Variants in ZNF385B observed in about 807,000 individuals in gnomAD.
ZNF385B encodes zinc finger protein 385B, also known as zinc finger protein 533.
ZNF385B carries 23 observed loss-of-function variants against 39.2 expected under a neutral mutation model. That is an observed-to-expected ratio of 0.59 (90% CI 0.42 to 0.83). The LOEUF (loss-of-function observed/expected upper bound fraction) is 0.83, where lower values mean the gene tolerates loss of function less well. Among genes scored for constraint, ZNF385B ranks in the 40% least tolerant of loss-of-function variants. The pLI is 0.00. For missense variants in ZNF385B, 552 were observed against 598.9 expected, an observed-to-expected ratio of 0.92 and a Z score of 0.82; for synonymous variants, 205 against 222.6, an observed-to-expected ratio of 0.92 and a Z score of 0.70.
Position 179,696,326 on chromosome 2 carries a change from CTTTTTTTTT to C in ZNF385B, c.298+73168_298+73176del, listed in dbSNP as rs71029828. Among the ~76,000 whole-genome samples, 12 of 40,358 alleles carry C rather than the reference CTTTTTTTTT, an allele frequency of 3.0e-4. 1 individual carries two copies. The highest frequency in any genetic ancestry group is 1.6e-3 in the East Asian group (2 of 1,264). 26.5% of individuals were successfully genotyped at this position (40,358 alleles called of 152,430 possible). A position where few individuals can be genotyped will look rare whatever the true frequency, so the allele number is the denominator to read the frequency against. Reference sequence around the variant, plus strand: ...CTGGGACACTAGGTACAAACTGGGACTTTTTTTTTTTTTTTTTTTTTTTGCATCCTAGGC... The same window carrying C: ...CTGGGACACTAGGTACAAACTGGGACTTTTTTTTTTTTTTGCATCCTAGGC... On this transcript the variant is annotated intron_variant, in intron 3 of 9. Coordinates refer to ENST00000410066, the MANE Select transcript of ZNF385B (RefSeq NM_152520.6).
At chr2:179,466,209 G>A (rs1318018923) in intron 6 of ZNF385B, among the ~76,000 whole-genome samples, 19 of 151,976 alleles carry the variant, frequency 1.3e-4, no homozygotes, top group Admixed American at 8.5e-4. Context: ...ACTAGACAGG[G>A]TCATAACAAC....
intron 3 of ZNF385B, among the ~76,000 whole-genome samples, chr2:179,714,942 CA>C (rs34449760): frequency 1.3e-5 from 1 of 79,250 alleles, no homozygotes; most frequent in African/African-American, 5.0e-5. Context: ...GATTCTATCT[CA>C]AAAAAAAAAA....
intron 3 of ZNF385B, among the ~76,000 whole-genome samples, chr2:179,715,262 C>A (rs1007688948): frequency 6.6e-6 from 1 of 152,168 alleles, no homozygotes; most frequent in Non-Finnish European, 1.5e-5. Flanking sequence ...TGTCCCACCA[C>A]CATAGGTGAT....
chr2:179,769,371 A>C, intron 3 of ZNF385B, 132 bp downstream of exon 3: 2 of 1,361,190 alleles, frequency 1.5e-6, no homozygotes, highest in Non-Finnish European at 9.8e-7. Context: ...TTTTACCTGT[A>C]GGAGAAAGAG....
intron 3 of ZNF385B, among the ~76,000 whole-genome samples, chr2:179,755,242 T>C (rs939323375): frequency 3.3e-5 from 5 of 152,220 alleles, no homozygotes; most frequent in Admixed American, 6.5e-5. Flanking sequence ...TTGAGTAGTT[T>C]TGAGTGAGTT....
At chr2:179,483,629 A>G (rs1296848582) in intron 5 of ZNF385B, among the ~76,000 whole-genome samples, 195 bp from the exon 6 acceptor site, 1 of 152,172 alleles carries the variant, frequency 6.6e-6, no homozygotes, top group Non-Finnish European at 1.5e-5. Flanking sequence ...CCTCCTATAC[A>G]ATACAAAGGA....
intron 3 of ZNF385B, among the ~76,000 whole-genome samples, chr2:179,571,094 C>A (rs1685159253): frequency 6.6e-6 from 1 of 152,168 alleles, no homozygotes; most frequent in African/African-American, 2.4e-5. Flanking sequence ...TGCATAGTAG[C>A]TAACTTTCAT....
chr2:179,483,963 A>G (rs762567442), intron 5 of ZNF385B, among the ~76,000 whole-genome samples: 3 of 152,218 alleles, frequency 2.0e-5, no homozygotes, highest in East Asian at 3.8e-4. Context: ...TAAGCTCTAC[A>G]TGCACTTCAT....
chr2:179,792,428 G>C (rs1352006026), intron 1 of ZNF385B, among the ~76,000 whole-genome samples: 1 of 137,712 alleles, frequency 7.3e-6, no homozygotes, highest in East Asian at 2.1e-4. Flanking sequence ...AGGCTGGAGT[G>C]CAGTGGCACC....
intron 3 of ZNF385B, among the ~76,000 whole-genome samples, chr2:179,661,063 A>G: frequency 6.6e-6 from 1 of 152,136 alleles, no homozygotes; most frequent in Middle Eastern, 3.2e-3. Flanking sequence ...TAATTTGGAG[A>G]TTCAATGTTA....
Position 179,519,486 on chromosome 2 carries a change from T to G in ZNF385B, c.442-848A>C, listed in dbSNP as rs1296628295. On this transcript the variant is annotated intron_variant, in intron 4 of 9. Transcript: ENST00000410066. ...TTTATAGCTTGTGATTTTCCCCTTT[T>G]GGCTTGCATGTATTATATATATTCA... 2.0e-5 allele frequency among the ~76,000 whole-genome samples: 3 copies of G among 152,210 alleles called. No individual in the cohort carries two copies. In the East Asian group the frequency reaches 5.8e-4, roughly 29 times the overall value.
At chr2:179,781,458 G>C (rs1704659708) in intron 1 of ZNF385B, among the ~76,000 whole-genome samples, 1 of 152,116 alleles carries the variant, frequency 6.6e-6, no homozygotes. Context: ...ATACATATTG[G>C]ACAAATTATC....
intron 3 of ZNF385B, among the ~76,000 whole-genome samples, chr2:179,750,216 G>C (rs1447309100): frequency 6.6e-6 from 1 of 152,082 alleles, no homozygotes; most frequent in Non-Finnish European, 1.5e-5. Context: ...GCAGGAGGTG[G>C]TTAGAGTTGT....
rs3112967 is a variant in ZNF385B at position 179,666,324 on chromosome 2, A to G, written c.298+103179T>C. On this transcript the variant is annotated intron_variant, in intron 3 of 9. Coordinates refer to ENST00000410066, the MANE Select transcript of ZNF385B (RefSeq NM_152520.6). ...TGCTGAAATATCGTCTGAGAGGCAT[A>G]TGGCAATAGCTTCCCCTCCTGTGAT... Among the ~76,000 whole-genome samples the G allele has an allele frequency of 3.7e-4, 57 of 152,304 alleles. No individual in the cohort carries two copies. The South Asian group carries it at 0.011, about 30-fold the overall frequency.
chr2:179,484,202 T>A (rs976185176), intron 5 of ZNF385B, among the ~76,000 whole-genome samples: 1 of 151,898 alleles, frequency 6.6e-6, no homozygotes, highest in East Asian at 1.9e-4. Flanking sequence ...CTTGAAAACA[T>A]TTAATCAACT....
At chr2:179,541,667 T>G (rs2059926603) in intron 4 of ZNF385B, among the ~76,000 whole-genome samples, 1 of 152,130 alleles carries the variant, frequency 6.6e-6, no homozygotes, top group African/African-American at 2.4e-5. Context: ...ACTTTAAAAA[T>G]TTGCCAACAA....
At chr2:179,616,654 G>T (rs570057858) in intron 3 of ZNF385B, among the ~76,000 whole-genome samples, 112 of 152,204 alleles carry the variant, frequency 7.4e-4, no homozygotes, top group Middle Eastern at 3.4e-3. Context: ...TTAACTCCTG[G>T]GATCAAACAA....
chr2:179,483,243 G>T (rs2054195005), intron 6 of ZNF385B, 29 bp downstream of exon 6: 17 of 1,611,844 alleles, frequency 1.1e-5, no homozygotes, highest in Non-Finnish European at 1.4e-5. Flanking sequence ...GAAACACAAA[G>T]AATGTAAAGA....
intron 3 of ZNF385B, among the ~76,000 whole-genome samples, chr2:179,641,258 C>T (rs969094645): frequency 1.3e-5 from 2 of 152,030 alleles, no homozygotes; most frequent in South Asian, 2.1e-4. Context: ...CCTGAAGGAA[C>T]GACATTCTAA....
Sources: allele counts gnomAD v4.1 joint callset (sites outside exome capture counted in the v4.1 genomes callset), GRCh38; gene constraint gnomAD v4.1.1; transcripts MANE v1.5; gene names NCBI Gene and HGNC (gene_info 2026-07-23, HGNC 2026-07-21).